Variants in GTF2IRD1 observed in about 807,000 individuals in gnomAD.
The protein encoded by GTF2IRD1 is GTF2I repeat domain containing 1, also known as general transcription factor II-I repeat domain-containing protein 1.
Under a neutral mutation model 113.2 loss-of-function variants are expected in GTF2IRD1, and 26 were observed. The ratio of observed to expected loss-of-function variants is 0.23; its 90% CI spans 0.17 to 0.32. GTF2IRD1 has a LOEUF of 0.32. Among genes scored for constraint, GTF2IRD1 ranks in the 10% least tolerant of loss-of-function variants. The pLI is 1.00. For missense variants in GTF2IRD1, 864 were observed against 1,280.8 expected (o/e 0.67, Z 4.97); for synonymous variants, 484 against 529.1 (o/e 0.91, Z 1.17).
At chr7:74,534,466 G>A (rs1274113696) in intron 9 of GTF2IRD1, among the ~76,000 whole-genome samples, 1 of 152,200 alleles carries the variant, frequency 6.6e-6, no homozygotes, top group Non-Finnish European at 1.5e-5. Context: ...GCTGGGTGTG[G>A]TTGCACACGC....
rs1362711890 is a variant in GTF2IRD1 at position 74,512,727 on chromosome 7, G to A, written c.124-103G>A. On this transcript the variant is annotated intron_variant, in intron 2 of 26. Transcript: ENST00000424337. This position sits in a 1 kb window ranked among gnomAD's most constrained non-coding sequence, Gnocchi z 4.4. ...CGTCTGTCCCTGGAGCTGCTGCTGG[G>A]GTCTCAGGCAGCTGGGAGCTCACAT... 9.4e-7 allele frequency: 1 copy of A among 1,058,692 alleles called. No individual in the cohort carries two copies. Among genetic ancestry groups the A allele is most frequent in the Non-Finnish European group, 1.4e-6 (1 of 722,296 alleles). The allele number at this position is 1,058,692 out of a possible 1,614,324, so 65.6% of individuals were successfully genotyped here.
intron 9 of GTF2IRD1, among the ~76,000 whole-genome samples, chr7:74,530,780 A>C (rs940841954): frequency 4.0e-4 from 61 of 152,238 alleles, no homozygotes; most frequent in African/African-American, 1.4e-3. Flanking sequence ...CATTAAGTGC[A>C]TCGGTGCACC....
chr7:74,455,532 A>G (rs1554327015), intron 1 of GTF2IRD1, among the ~76,000 whole-genome samples: 2 of 152,130 alleles, frequency 1.3e-5, no homozygotes, highest in African/African-American at 4.8e-5. Context: ...AGCATCGATT[A>G]TTTATTCTAA....
At chr7:74,542,843 A>C (rs148051515) in intron 14 of GTF2IRD1, among the ~76,000 whole-genome samples, 2 of 152,236 alleles carry the variant, frequency 1.3e-5, no homozygotes, top group Admixed American at 1.3e-4. Context: ...GTGGCACTGC[A>C]GGGGTTGGGG....
intron 22 of GTF2IRD1, among the ~76,000 whole-genome samples, chr7:74,567,947 G>A (rs1800426714): frequency 6.6e-6 from 1 of 151,886 alleles, no homozygotes; most frequent in African/African-American, 2.4e-5. Context: ...TATCGCGCCC[G>A]ACTATTTTTT....
chr7:74,460,908 G>T (rs1461584597), intron 1 of GTF2IRD1, among the ~76,000 whole-genome samples: 1 of 152,120 alleles, frequency 6.6e-6, no homozygotes, highest in Non-Finnish European at 1.5e-5. Context: ...GGGAATTCCT[G>T]CACCTTTGCC....
intron 8 of GTF2IRD1, among the ~76,000 whole-genome samples, chr7:74,526,866 C>T (rs2130390363): frequency 6.6e-6 from 1 of 152,256 alleles, no homozygotes; most frequent in East Asian, 1.9e-4. Flanking sequence ...TGACAACGAG[C>T]TAAGTGTGAC....
At chr7:74,574,634 A>G (rs1241563338) in intron 22 of GTF2IRD1, among the ~76,000 whole-genome samples, 1 of 149,264 alleles carries the variant, frequency 6.7e-6, no homozygotes, top group Non-Finnish European at 1.5e-5. Context: ...TAATTTTTGT[A>G]TTTTTTTGTA....
intron 2 of GTF2IRD1, among the ~76,000 whole-genome samples, chr7:74,510,115 GA>G (rs1796539376): frequency 6.6e-6 from 1 of 151,942 alleles, no homozygotes; most frequent in Admixed American, 6.6e-5. Flanking sequence ...GACACCCCTG[GA>G]AAAGGGGCTG....
intron 11 of GTF2IRD1, among the ~76,000 whole-genome samples, chr7:74,536,681 GT>G (rs1798317557): frequency 1.3e-5 from 2 of 151,978 alleles, no homozygotes; most frequent in Admixed American, 1.3e-4. Flanking sequence ...TGGTGCGCAT[GT>G]GTAATCCCAG....
At chr7:74,485,248 C>G (rs191960346) in intron 1 of GTF2IRD1, among the ~76,000 whole-genome samples, 129 of 152,302 alleles carry the variant, frequency 8.5e-4, no homozygotes, top group Middle Eastern at 3.4e-3. Context: ...GATGTTTGGA[C>G]ACACTTTCCT....
rs190163631 is a variant in GTF2IRD1 at position 74,550,520 on chromosome 7, G to A, written c.1916+3234G>A. Among the ~76,000 whole-genome samples the A allele has an allele frequency of 4.3e-4, 65 of 151,834 alleles. 1 individual carries two copies. In the Middle Eastern group the frequency reaches 0.017, roughly 40 times the overall value. ...GGAGGATCGCTTGAGCCAGGAGGTC[G>A]AGGCTGCAGTGAGCCCTGATTGCAC... On this transcript the variant is annotated intron_variant, in intron 17 of 26. Coordinates refer to ENST00000424337, the MANE Select transcript of GTF2IRD1 (RefSeq NM_005685.4).
chr7:74,557,274 G>T (rs1332094405), intron 19 of GTF2IRD1, among the ~76,000 whole-genome samples: 4 of 152,164 alleles, frequency 2.6e-5, no homozygotes, highest in Non-Finnish European at 5.9e-5. Flanking sequence ...CCATTCCCTC[G>T]CTTGTCTCCA....
chr7:74,551,578 C>G (rs1799309606), intron 17 of GTF2IRD1, among the ~76,000 whole-genome samples: 1 of 151,986 alleles, frequency 6.6e-6, no homozygotes, highest in Admixed American at 6.6e-5. Context: ...CAGGAGGAAC[C>G]TGGATAAGAA....
intron 6 of GTF2IRD1, among the ~76,000 whole-genome samples, chr7:74,520,946 A>G (rs1797259771): frequency 6.6e-6 from 1 of 151,176 alleles, no homozygotes; most frequent in Admixed American, 6.6e-5. Context: ...ATACATGTAA[A>G]ACAAGTGTTC....
At chr7:74,597,128 C>T (rs1802465547) in intron 25 of GTF2IRD1, among the ~76,000 whole-genome samples, 1 of 151,528 alleles carries the variant, frequency 6.6e-6, no homozygotes, top group Non-Finnish European at 1.5e-5. Flanking sequence ...CTGCAACCTC[C>T]GACTCCCGGG....
At chr7:74,578,191 C>CT (rs1554365075) in intron 22 of GTF2IRD1, among the ~76,000 whole-genome samples, 1 of 151,954 alleles carries the variant, frequency 6.6e-6, no homozygotes, top group Non-Finnish European at 1.5e-5. Context: ...ATTTTACTTT[C>CT]TTTTTTTTGA....
At chr7:74,475,503 T>TG (rs1794349136) in intron 1 of GTF2IRD1, among the ~76,000 whole-genome samples, 1 of 152,102 alleles carries the variant, frequency 6.6e-6, no homozygotes, top group Non-Finnish European at 1.5e-5. Flanking sequence ...TACAGGGTTT[T>TG]GGTGAGGGGC....
intron 2 of GTF2IRD1, among the ~76,000 whole-genome samples, chr7:74,511,683 G>T (rs2130098031): frequency 6.6e-6 from 1 of 152,320 alleles, no homozygotes; most frequent in South Asian, 2.1e-4. Context: ...GCCCAGAGAG[G>T]TTACCTGTCC....
Sources: allele counts gnomAD v4.1 joint callset (sites outside exome capture counted in the v4.1 genomes callset), GRCh38; gene constraint gnomAD v4.1.1; non-coding constraint Gnocchi (gnomAD v3.1); transcripts MANE v1.5; gene names NCBI Gene and HGNC (gene_info 2026-07-23, HGNC 2026-07-21).